Variants in NDST4 observed in about 807,000 individuals in gnomAD.
NDST4 encodes N-deacetylase and N-sulfotransferase 4.
Under a neutral mutation model 100.8 loss-of-function variants are expected in NDST4, and 63 were observed. The observed-to-expected ratio is 0.62, with a 90% CI of 0.51 to 0.77. NDST4 has a LOEUF of 0.77. Among genes scored for constraint, NDST4 ranks in the 30% least tolerant of loss-of-function variants. NDST4 has a pLI of 0.00. For synonymous variants in NDST4, 377 were observed against 361.8 expected (o/e 1.04, Z -0.48); for missense variants, 943 against 1,018.4 (o/e 0.93, Z 1.01).
intron 6 of NDST4, among the ~76,000 whole-genome samples, chr4:114,900,433 A>G (rs1466873745): frequency 1.3e-5 from 2 of 152,160 alleles, no homozygotes; most frequent in Non-Finnish European, 2.9e-5. Flanking sequence ...TAAAACAGTA[A>G]TGGACTACAT....
intron 6 of NDST4, among the ~76,000 whole-genome samples, chr4:114,918,284 G>A (rs899518278): frequency 1.3e-5 from 2 of 151,376 alleles, no homozygotes; most frequent in East Asian, 2.0e-4. Context: ...CTGGGTGAAG[G>A]AGCAATCATG....
chr4:114,919,098 A>G (rs866285939), intron 6 of NDST4, among the ~76,000 whole-genome samples: 8 of 152,200 alleles, frequency 5.3e-5, no homozygotes, highest in Middle Eastern at 3.2e-3. Context: ...AATATTTAAA[A>G]TCTTAGCTAA....
At chr4:114,921,640 T>C (rs1440476105) in intron 6 of NDST4, among the ~76,000 whole-genome samples, 1 of 151,960 alleles carries the variant, frequency 6.6e-6, no homozygotes, top group Non-Finnish European at 1.5e-5. Flanking sequence ...CCAACATTTA[T>C]TTCTCCCGTT....
intron 2 of NDST4, among the ~76,000 whole-genome samples, chr4:114,994,771 CT>C (rs2126253210): frequency 6.6e-6 from 1 of 152,048 alleles, no homozygotes; most frequent in South Asian, 2.1e-4. Context: ...AAATCTTATC[CT>C]CTTGGGTTTA....
chr4:115,025,285 G>A (rs929304719), intron 2 of NDST4, among the ~76,000 whole-genome samples: 6 of 152,144 alleles, frequency 3.9e-5, no homozygotes, highest in Non-Finnish European at 7.4e-5. Context: ...TTGCATCCAT[G>A]AAATTATTTA....
intron 6 of NDST4, among the ~76,000 whole-genome samples, chr4:114,913,229 T>C (rs1725098560): frequency 6.6e-6 from 1 of 152,094 alleles, no homozygotes; most frequent in African/African-American, 2.4e-5. Context: ...TGTTAATTCC[T>C]CTTTATGCTT....
intron 6 of NDST4, among the ~76,000 whole-genome samples, chr4:114,895,860 A>G (rs1476694950): frequency 2.0e-5 from 3 of 152,184 alleles, no homozygotes; most frequent in African/African-American, 7.2e-5. Flanking sequence ...AGTTGGCTTC[A>G]TCCCTGGGAT....
At chr4:114,894,011 C>G (rs1385636056) in intron 6 of NDST4, among the ~76,000 whole-genome samples, 1 of 152,072 alleles carries the variant, frequency 6.6e-6, no homozygotes, top group African/African-American at 2.4e-5. Flanking sequence ...TTCCCCATTG[C>G]TTGTTTTTGT....
At chr4:115,078,724 C>A (rs1346013621) in intron 1 of NDST4, among the ~76,000 whole-genome samples, 1 of 151,884 alleles carries the variant, frequency 6.6e-6, no homozygotes, top group Non-Finnish European at 1.5e-5. Flanking sequence ...GCCTGTAATC[C>A]CAACTACTCA....
chr4:115,035,483 A>G (rs1050158370), intron 2 of NDST4, among the ~76,000 whole-genome samples: 7 of 152,066 alleles, frequency 4.6e-5, no homozygotes, highest in African/African-American at 1.4e-4. Context: ...CAGAGGTTTT[A>G]CAGACAAGGG....
intron 1 of NDST4, among the ~76,000 whole-genome samples, chr4:115,112,216 C>G (rs989950828): frequency 6.8e-6 from 1 of 146,146 alleles, no homozygotes; most frequent in Non-Finnish European, 1.5e-5. Flanking sequence ...AAAAAAAAAA[C>G]CTTTACATCG....
chr4:115,095,632 G>A (rs564283159), intron 1 of NDST4, among the ~76,000 whole-genome samples: 1 of 152,062 alleles, frequency 6.6e-6, no homozygotes, highest in Non-Finnish European at 1.5e-5. Flanking sequence ...TAGTACCTGG[G>A]TTAAACTCCT....
chr4:115,017,809 A>G (rs1273603388), intron 2 of NDST4, among the ~76,000 whole-genome samples: 1 of 151,992 alleles, frequency 6.6e-6, no homozygotes, highest in Non-Finnish European at 1.5e-5. Context: ...GAGGTAATCC[A>G]TAATTGGATC....
intron 2 of NDST4, among the ~76,000 whole-genome samples, chr4:115,053,010 G>A (rs894267403): frequency 1.3e-5 from 2 of 151,980 alleles, no homozygotes; most frequent in Admixed American, 1.3e-4. Flanking sequence ...TTTATTCCTC[G>A]AACAAAAGGT....
chr4:114,943,192 T>C (rs1221216857), intron 4 of NDST4, among the ~76,000 whole-genome samples: 1 of 150,928 alleles, frequency 6.6e-6, no homozygotes, highest in Non-Finnish European at 1.5e-5. Flanking sequence ...GAATGTTTAA[T>C]AATAAGCTTA....
At chr4:114,883,409 T>C (rs1724412616) in intron 6 of NDST4, among the ~76,000 whole-genome samples, 1 of 152,068 alleles carries the variant, frequency 6.6e-6, no homozygotes, top group Admixed American at 6.6e-5. Context: ...TAGTTTAAAA[T>C]GTATATTGTC....
chr4:114,828,645 G>A (rs998912164), intron 13 of NDST4, among the ~76,000 whole-genome samples: 12 of 152,030 alleles, frequency 7.9e-5, no homozygotes, highest in African/African-American at 2.9e-4. Flanking sequence ...ATTTCTAATT[G>A]GACTTTCTTT....
intron 11 of NDST4, among the ~76,000 whole-genome samples, chr4:114,834,627 TTTG>T (rs1408415128): frequency 6.6e-6 from 1 of 152,212 alleles, no homozygotes; most frequent in Non-Finnish European, 1.5e-5. Flanking sequence ...TTATGCTTTT[TTTG>T]TTAAGTCTCT....
At chr4:114,909,984 G>A (rs910488084) in intron 6 of NDST4, among the ~76,000 whole-genome samples, 13 of 152,144 alleles carry the variant, frequency 8.5e-5, no homozygotes, top group African/African-American at 2.7e-4. Context: ...CTATTGTAAG[G>A]GGATGGTATT....
Sources: allele counts gnomAD v4.1 joint callset (sites outside exome capture counted in the v4.1 genomes callset), GRCh38; gene constraint gnomAD v4.1.1; transcripts MANE v1.5; gene names NCBI Gene and HGNC (gene_info 2026-07-23, HGNC 2026-07-21).